FHOD3: variants seen among roughly 807,000 people sequenced by gnomAD.
The protein encoded by FHOD3 is FH1/FH2 domain-containing protein 3.
Under a neutral mutation model 173.0 loss-of-function variants are expected in FHOD3, and 90 were observed. That is an observed-to-expected ratio of 0.52 (90% CI 0.44 to 0.62). The LOEUF (loss-of-function observed/expected upper bound fraction) is 0.62, where lower values mean the gene tolerates loss of function less well. Among genes scored for constraint, FHOD3 ranks in the 20% least tolerant of loss-of-function variants. The pLI is 0.00. For missense variants in FHOD3, 1,945 were observed against 2,034.7 expected (o/e 0.96, Z 0.85); for synonymous variants, 828 against 823.0 (o/e 1.01, Z -0.10).
At chr18:36,414,543 G>T (rs765803982) in intron 3 of FHOD3, among the ~76,000 whole-genome samples, 1 of 152,178 alleles carries the variant, frequency 6.6e-6, no homozygotes, top group African/African-American at 2.4e-5. Context: ...TTACCTGAAG[G>T]CTCCAGCCAC....
At chr18:36,361,550 G>T (rs958785393) in intron 2 of FHOD3, among the ~76,000 whole-genome samples, 1 of 151,984 alleles carries the variant, frequency 6.6e-6, no homozygotes, top group Non-Finnish European at 1.5e-5. Flanking sequence ...GCTGGGCGTG[G>T]TGGCACGTGC....
chr18:36,610,597 T>G (rs2032573449), intron 8 of FHOD3, among the ~76,000 whole-genome samples: 1 of 152,188 alleles, frequency 6.6e-6, no homozygotes, highest in Non-Finnish European at 1.5e-5. Context: ...GTTTCTGATC[T>G]CAATAGCAGT....
At chr18:36,740,926 A>T (rs879086231) in intron 21 of FHOD3, 88 bp downstream of exon 21, 2 of 1,301,624 alleles carry the variant, frequency 1.5e-6, no homozygotes, top group South Asian at 1.6e-5. Context: ...AGGCAGTGAA[A>T]TATCATTCTT....
intron 3 of FHOD3, among the ~76,000 whole-genome samples, chr18:36,437,838 A>G (rs1208399542): frequency 6.6e-6 from 1 of 151,470 alleles, no homozygotes; most frequent in African/African-American, 2.4e-5. Context: ...TAATTTTTAT[A>G]TTTTTAGTAG....
At chr18:36,384,897 TACCACC>T (rs60582813) in intron 3 of FHOD3, among the ~76,000 whole-genome samples, 85 of 150,982 alleles carry the variant, frequency 5.6e-4, no homozygotes, top group East Asian at 2.1e-3. Flanking sequence ...TGGTGGAAGA[TACCACC>T]ACCACCACCA....
At position 36,337,364 on chromosome 18, in the gene FHOD3, C is replaced by T. The variant is rs140232659; in HGVS notation, c.166-18175C>T. Among the ~76,000 whole-genome samples the T allele has an allele frequency of 6.9e-3, 1,055 of 152,220 alleles. 8 individuals carry two copies. Among genetic ancestry groups the T allele is most frequent in the Non-Finnish European group, 0.011 (755 of 68,018 alleles). On this transcript the variant is annotated intron_variant, in intron 1 of 28. Transcript: ENST00000590592. ...GTCACAGTGATAGCCCTGCACTGGG[C>T]TGGTATATAACGTGAATAATCCTGG...
intron 26 of FHOD3, 148 bp downstream of exon 26, chr18:36,759,289 C>G (rs2042769406): frequency 3.5e-6 from 3 of 856,376 alleles, no homozygotes; most frequent in Non-Finnish European, 5.6e-6. Context: ...TTCGTGTGAT[C>G]ACTAACCACC....
At chr18:36,583,528 TC>T (rs369692056) in intron 6 of FHOD3, among the ~76,000 whole-genome samples, 10 of 152,282 alleles carry the variant, frequency 6.6e-5, no homozygotes, top group East Asian at 5.8e-4. Context: ...GGCTGGGGTT[TC>T]CCCTCCTTTT....
intron 13 of FHOD3, among the ~76,000 whole-genome samples, chr18:36,657,712 T>G (rs551202058): frequency 1.2e-4 from 18 of 152,378 alleles, no homozygotes; most frequent in African/African-American, 4.1e-4. Context: ...ACACTAATTG[T>G]GCCACCATGT....
At chr18:36,425,068 A>G (rs928137065) in intron 3 of FHOD3, among the ~76,000 whole-genome samples, 1 of 152,204 alleles carries the variant, frequency 6.6e-6, no homozygotes, top group African/African-American at 2.4e-5. Flanking sequence ...AAAATTCTTG[A>G]CTTAATAAGG....
intron 3 of FHOD3, among the ~76,000 whole-genome samples, chr18:36,441,664 G>A (rs943607791): frequency 2.0e-5 from 3 of 152,208 alleles, no homozygotes; most frequent in African/African-American, 7.2e-5. Flanking sequence ...GAAACCACAT[G>A]TTACAGGGAA....
At chr18:36,385,980 T>C (rs2048015970) in intron 3 of FHOD3, among the ~76,000 whole-genome samples, 1 of 152,226 alleles carries the variant, frequency 6.6e-6, no homozygotes, top group African/African-American at 2.4e-5. Flanking sequence ...TGCTTAGTTA[T>C]ATCTATAATA....
chr18:36,563,267 G>GTA (rs1302113117), intron 5 of FHOD3, among the ~76,000 whole-genome samples: 1 of 152,206 alleles, frequency 6.6e-6, no homozygotes, highest in Non-Finnish European at 1.5e-5. Context: ...TTGAAGGGTT[G>GTA]TATATTAATA....
chr18:36,389,285 C>T (rs956239083), intron 3 of FHOD3, among the ~76,000 whole-genome samples: 21 of 152,210 alleles, frequency 1.4e-4, no homozygotes, highest in African/African-American at 4.8e-4. Flanking sequence ...GTCAACACTC[C>T]CAGACCCCAA....
rs2038662814 is a variant in FHOD3, at chr18:36,686,983, T to C, written c.1971-145T>C. 22 of 581,710 alleles carry C rather than the reference T, an allele frequency of 3.8e-5. No individual in the cohort carries two copies. The South Asian group carries it at 5.7e-4, about 15-fold the overall frequency. 36.0% of individuals were successfully genotyped at this position (581,710 alleles called of 1,614,324 possible). A position where few individuals can be genotyped will look rare whatever the true frequency, so the allele number is the denominator to read the frequency against. ...ATTTTGAAGTACAGGCTTTAAACTT[T>C]TAAAAATTCAGCTACAACCATTTTA... On this transcript the variant is annotated intron_variant, in intron 15 of 28. Transcript: ENST00000590592.
At chr18:36,724,305 GT>G (rs1254204477) in intron 19 of FHOD3, among the ~76,000 whole-genome samples, 5 of 152,198 alleles carry the variant, frequency 3.3e-5, no homozygotes, top group African/African-American at 4.8e-5. Flanking sequence ...ATTACCATGT[GT>G]GACTTTCTGC....
At chr18:36,654,810 GCA>G (rs1431067003) in intron 13 of FHOD3, among the ~76,000 whole-genome samples, 1 of 152,092 alleles carries the variant, frequency 6.6e-6, no homozygotes, top group Non-Finnish European at 1.5e-5. Flanking sequence ...AGATCTTATA[GCA>G]CAAAGCAGTG....
chr18:36,338,506 G>T (rs1411790284), intron 1 of FHOD3, among the ~76,000 whole-genome samples: 1 of 152,194 alleles, frequency 6.6e-6, no homozygotes, highest in African/African-American at 2.4e-5. Context: ...TCTGCCAGTT[G>T]CAGAACCATG....
At chr18:36,655,462 A>G (rs1055820265) in intron 13 of FHOD3, among the ~76,000 whole-genome samples, 3 of 152,122 alleles carry the variant, frequency 2.0e-5, no homozygotes, top group African/African-American at 7.2e-5. Flanking sequence ...TAAGCTGTCC[A>G]GTTGAAGATA....
Sources: allele counts gnomAD v4.1 joint callset (sites outside exome capture counted in the v4.1 genomes callset), GRCh38; gene constraint gnomAD v4.1.1; transcripts MANE v1.5; gene names NCBI Gene and HGNC (gene_info 2026-07-23, HGNC 2026-07-21).